Variants in SPEF2 observed in about 807,000 individuals in gnomAD.
SPEF2 encodes sperm flagella and cilia-associated protein 2.
A neutral mutation model predicts 224.6 loss-of-function variants in SPEF2; 187 were observed. The ratio of observed to expected loss-of-function variants is 0.83; its 90% confidence interval spans 0.74 to 0.94. SPEF2 has a LOEUF of 0.94. Ranked by LOEUF, SPEF2 falls within the 40% of genes least tolerant of loss-of-function variation. SPEF2 has a pLI of 0.00. For synonymous variants in SPEF2, 715 were observed against 707.3 expected, an observed-to-expected ratio of 1.01 and a Z score of -0.17; for missense variants, 2,170 against 2,135.6, an observed-to-expected ratio of 1.02 and a Z score of -0.32.
chr5:35,751,056 C>CATAT (rs755903542), intron 23 of SPEF2, among the ~76,000 whole-genome samples: 1 of 28,600 alleles, frequency 3.5e-5, no homozygotes, highest in Non-Finnish European at 8.2e-5. Context: ...TATATATATA[C>CATAT]GTATATATAT....
rs184967741 is a variant in SPEF2 at position 35,651,095 on chromosome 5, A to G, written c.791+1670A>G. Among the ~76,000 whole-genome samples, 20 of 152,376 alleles carry G rather than the reference A, an allele frequency of 1.3e-4. 1 individual carries two copies. The East Asian group carries it at 3.9e-3, about 29-fold the overall frequency. On this transcript the variant is annotated intron_variant, in intron 6 of 36. Coordinates refer to ENST00000356031, the MANE Select transcript of SPEF2 (RefSeq NM_024867.4). ...CAGGAAGGAAGACAGACAAAAAAGTAGATATCTCCTATCTGAAATAGCTTC... is the reference window on the plus strand; with the variant it reads ...CAGGAAGGAAGACAGACAAAAAAGTGGATATCTCCTATCTGAAATAGCTTC...
chr5:35,666,140 T>C (rs1750433452), intron 8 of SPEF2, among the ~76,000 whole-genome samples: 1 of 152,158 alleles, frequency 6.6e-6, no homozygotes, highest in South Asian at 2.1e-4. Context: ...ATATAAAATC[T>C]AGGGCTTGAA....
intron 18 of SPEF2, among the ~76,000 whole-genome samples, chr5:35,708,606 CTT>C: frequency 6.6e-6 from 1 of 151,706 alleles, no homozygotes; most frequent in African/African-American, 2.4e-5. Flanking sequence ...CCACCACAGA[CTT>C]CACCACCTCT....
chr5:35,770,684 G>T (rs572964848), intron 26 of SPEF2, among the ~76,000 whole-genome samples: 5 of 152,258 alleles, frequency 3.3e-5, no homozygotes, highest in African/African-American at 1.2e-4. Context: ...CATGGGACAA[G>T]GTTTTTCTGC....
intron 1 of SPEF2, among the ~76,000 whole-genome samples, chr5:35,621,607 G>A (rs962096309): frequency 7.9e-5 from 12 of 152,040 alleles, no homozygotes; most frequent in Admixed American, 2.0e-4. Flanking sequence ...AGCCATCTCG[G>A]CCTATTATAA....
chr5:35,724,584 T>C (rs886716759), intron 20 of SPEF2, among the ~76,000 whole-genome samples: 2 of 152,186 alleles, frequency 1.3e-5, no homozygotes, highest in Non-Finnish European at 2.9e-5. Flanking sequence ...ATCAAAAGCA[T>C]GGAGTCTACA....
chr5:35,770,439 T>A (rs1159651209), intron 26 of SPEF2, among the ~76,000 whole-genome samples: 1 of 152,080 alleles, frequency 6.6e-6, no homozygotes. Flanking sequence ...GGGCAAGATG[T>A]CATCAGAGCT....
At chr5:35,670,673 A>G in intron 10 of SPEF2, 1 of 985,784 alleles carries the variant, frequency 1.0e-6, no homozygotes. Flanking sequence ...GATTCAAACA[A>G]TCTTTTATTC....
intron 18 of SPEF2, among the ~76,000 whole-genome samples, chr5:35,706,607 A>G (rs941525156): frequency 3.3e-5 from 5 of 152,130 alleles, no homozygotes; most frequent in Non-Finnish European, 7.4e-5. Flanking sequence ...AAATGGTCAA[A>G]GTTAATAGTG....
At chr5:35,683,580 G>A (rs1461416284) in intron 10 of SPEF2, among the ~76,000 whole-genome samples, 3 of 152,136 alleles carry the variant, frequency 2.0e-5, no homozygotes, top group South Asian at 2.1e-4. Context: ...AGCCAAGATC[G>A]CGCTACTGCA....
intron 26 of SPEF2, among the ~76,000 whole-genome samples, chr5:35,768,265 C>G (rs550115738): frequency 3.0e-4 from 45 of 152,106 alleles, no homozygotes; most frequent in African/African-American, 1.0e-3. Context: ...GCAGAGACCA[C>G]AACAAGTACC....
Position 35,673,115 on chromosome 5 carries a change from T to C in SPEF2, c.1524+2888T>C, listed in dbSNP as rs145713622. ...AACAGCATCATGGAGCAGTCAGACC[T>C]CTCTGGGGTTCCTAGGCAACTACCA... On this transcript the variant is annotated intron_variant, in intron 10 of 36. Transcript: ENST00000356031. Among the ~76,000 whole-genome samples, 297 of 152,258 alleles carry C rather than the reference T, an allele frequency of 2.0e-3. 1 individual carries two copies. Among genetic ancestry groups the C allele is most frequent in the Non-Finnish European group, 3.5e-3 (235 of 67,996 alleles).
chr5:35,774,660 T>C (rs1753354895), intron 28 of SPEF2, among the ~76,000 whole-genome samples: 1 of 152,048 alleles, frequency 6.6e-6, no homozygotes. Context: ...AAACATATCC[T>C]AAGGGAAAAA....
chr5:35,629,123 T>A (rs1398460743), intron 2 of SPEF2, among the ~76,000 whole-genome samples: 1 of 151,376 alleles, frequency 6.6e-6, no homozygotes, highest in African/African-American at 2.4e-5. Flanking sequence ...TACACCAGAT[T>A]ACTTTCTGTT....
At chr5:35,757,105 TAAC>T (rs1045114532) in intron 24 of SPEF2, among the ~76,000 whole-genome samples, 4 of 152,204 alleles carry the variant, frequency 2.6e-5, no homozygotes, top group African/African-American at 2.4e-5. Context: ...CTAGTTATCA[TAAC>T]AATTAAAAAT....
intron 21 of SPEF2, among the ~76,000 whole-genome samples, chr5:35,733,085 C>A (rs1396223731): frequency 6.6e-6 from 1 of 151,882 alleles, no homozygotes. Context: ...TGTAAGCAAC[C>A]AATTACAACA....
intron 10 of SPEF2, chr5:35,670,683 C>G (rs1751118259): frequency 1.4e-5 from 14 of 985,112 alleles, no homozygotes; most frequent in African/African-American, 1.7e-5. Context: ...ATCTTTTATT[C>G]AAAGATTGAA....
intron 31 of SPEF2, 56 bp downstream of exon 31, chr5:35,792,502 G>A (rs912984068): frequency 3.5e-5 from 49 of 1,402,902 alleles, no homozygotes; most frequent in Non-Finnish European, 4.7e-5. Context: ...TTTGATCAAT[G>A]CATCAATAGT....
At position 35,694,336 on chromosome 5, in the gene SPEF2, C is replaced by T; in HGVS notation, c.1948C>T (p.Pro650Ser). ...TGGTCCAGTTTCAGATGAAGTATTA[C>T]CAGAAACAGAAGGTGAAACAATGCT... ...SAGPVSDEVL[P>S]ETEGETMLSA... The change falls in exon 13 of 37, where the codon CCA becomes TCA. Residue 650 changes from proline to serine, a missense_variant. Transcript: ENST00000356031. 1 of 1,613,146 alleles carries T rather than the reference C, an allele frequency of 6.2e-7. No individual in the cohort carries two copies. Among genetic ancestry groups the T allele is most frequent in the Non-Finnish European group, 8.5e-7 (1 of 1,179,532 alleles).
Sources: gnomAD v4.1 joint callset for allele counts (sites outside exome capture counted in the v4.1 genomes callset) on GRCh38, gnomAD v4.1.1 for gene constraint, MANE v1.5 for transcripts, NCBI Gene and HGNC (gene_info 2026-07-23, HGNC 2026-07-21) for gene names.